THUMPD2: variants seen among roughly 807,000 people sequenced by gnomAD.
The protein encoded by THUMPD2 is U6 snRNA (guanine-N(2))-methyltransferase THUMPD2.
THUMPD2 carries 56 observed loss-of-function variants against 49.4 expected under a neutral mutation model. The ratio of observed to expected loss-of-function variants is 1.13; its 90% CI spans 0.91 to 1.41. The LOEUF is 1.41. Among genes scored for constraint, THUMPD2 ranks in the 40% most tolerant of loss-of-function variants. THUMPD2 has a pLI of 0.00. For synonymous variants in THUMPD2, 237 were observed against 205.2 expected (o/e 1.15, Z -1.32); for missense variants, 709 against 594.5 (o/e 1.19, Z -2.00).
rs565078044 is a variant in THUMPD2 at position 39,757,552 on chromosome 2, G to T, written c.892-1592C>A. Among the ~76,000 whole-genome samples, 3 of 152,276 alleles carry T rather than the reference G, an allele frequency of 2.0e-5. No individual in the cohort carries two copies. The South Asian group carries it at 6.2e-4, about 32-fold the overall frequency. ...ACCCATTTTTATTAGGATCTCAAAT[G>T]TGCCATACGCTGTGCTCCTTCTCTC... On this transcript the variant is annotated intron_variant, in intron 6 of 9. Transcript: ENST00000505747.
chr2:39,773,651 T>C (rs1478479141), intron 1 of THUMPD2, among the ~76,000 whole-genome samples: 1 of 147,326 alleles, frequency 6.8e-6, no homozygotes, highest in Non-Finnish European at 1.5e-5. Flanking sequence ...TATTTCCCCC[T>C]GGGGCAAGTG....
chr2:39,772,938 C>T (rs1265731157), intron 1 of THUMPD2, among the ~76,000 whole-genome samples: 1 of 152,112 alleles, frequency 6.6e-6, no homozygotes, highest in Non-Finnish European at 1.5e-5. Flanking sequence ...GAGAATCTCT[C>T]CTGAGGAAGT....
At chr2:39,749,978 T>C (rs1675174213) in intron 8 of THUMPD2, among the ~76,000 whole-genome samples, 1 of 152,244 alleles carries the variant, frequency 6.6e-6, no homozygotes, top group South Asian at 2.1e-4. Flanking sequence ...ATGTACTATA[T>C]TTTCTTTATC....
intron 8 of THUMPD2, among the ~76,000 whole-genome samples, chr2:39,747,252 G>A (rs1301119865): frequency 6.6e-6 from 1 of 152,072 alleles, no homozygotes; most frequent in Non-Finnish European, 1.5e-5. Flanking sequence ...ACATTTTATT[G>A]TGGCCAAAAT....
intron 9 of THUMPD2, among the ~76,000 whole-genome samples, chr2:39,739,077 A>G (rs1418574489): frequency 3.9e-5 from 6 of 152,200 alleles, no homozygotes; most frequent in African/African-American, 1.4e-4. Context: ...GACCACAGCA[A>G]CAATCTGGTA....
chr2:39,760,947 A>G (rs1283247716), intron 6 of THUMPD2, among the ~76,000 whole-genome samples: 1 of 152,190 alleles, frequency 6.6e-6, no homozygotes, highest in Non-Finnish European at 1.5e-5. Context: ...AATGGAGAAC[A>G]TTTCTTCACT....
intron 8 of THUMPD2, among the ~76,000 whole-genome samples, chr2:39,753,482 A>T (rs1223666369): frequency 6.6e-6 from 1 of 152,128 alleles, no homozygotes; most frequent in African/African-American, 2.4e-5. Flanking sequence ...TCATGAAACT[A>T]AATGTTCTCT....
intron 8 of THUMPD2, among the ~76,000 whole-genome samples, chr2:39,750,142 A>G (rs1675194974): frequency 6.6e-6 from 1 of 152,094 alleles, no homozygotes; most frequent in Admixed American, 6.6e-5. Flanking sequence ...GTCAAATGGT[A>G]TTTCTGCCTC....
rs368420062 is a variant in THUMPD2, at chr2:39,755,260, C to T, written c.1078+35G>A. The T allele has an allele frequency of 2.1e-3, 2,778 of 1,310,958 alleles. 9 individuals are homozygous for T. Among genetic ancestry groups the T allele is most frequent in the Non-Finnish European group, 2.7e-3 (2,527 of 952,274 alleles). The allele number at this position is 1,310,958 out of a possible 1,614,324, so 81.2% of individuals were successfully genotyped here. A position where few individuals can be genotyped will look rare whatever the true frequency, so the allele number is the denominator to read the frequency against. On this transcript the variant is annotated intron_variant, in intron 8 of 9. Coordinates refer to ENST00000505747, the MANE Select transcript of THUMPD2 (RefSeq NM_025264.5). ...GATTCTAAATATATTTACATTGTTC[C>T]TTTTCTCAATTGTTTTGCATTTTTA...
chr2:39,763,465 C>T (rs1186286847), intron 5 of THUMPD2, among the ~76,000 whole-genome samples: 2 of 152,046 alleles, frequency 1.3e-5, no homozygotes, highest in African/African-American at 4.8e-5. Context: ...TCTGTAACTT[C>T]AAATATCTAC....
intron 9 of THUMPD2, among the ~76,000 whole-genome samples, chr2:39,738,999 A>G (rs2148154878): frequency 6.6e-6 from 1 of 152,340 alleles, no homozygotes; most frequent in Admixed American, 6.5e-5. Context: ...CTAATCCATC[A>G]GCAAAGCTAG....
chr2:39,775,418 GTTTGT>G (rs1445765187), intron 1 of THUMPD2, among the ~76,000 whole-genome samples: 3 of 152,124 alleles, frequency 2.0e-5, no homozygotes, highest in Non-Finnish European at 4.4e-5. Context: ...TGTTGTTTGA[GTTTGT>G]TTTGGTTTAT....
intron 6 of THUMPD2, among the ~76,000 whole-genome samples, chr2:39,756,298 A>G (rs1002034793): frequency 1.3e-5 from 2 of 152,018 alleles, no homozygotes; most frequent in East Asian, 3.9e-4. Context: ...AGATTCTGGT[A>G]TGCTGGTAGA....
chr2:39,778,528 C>T (rs1679411791), intron 1 of THUMPD2, among the ~76,000 whole-genome samples: 1 of 152,220 alleles, frequency 6.6e-6, no homozygotes, highest in Non-Finnish European at 1.5e-5. Flanking sequence ...TTCAAGAAAC[C>T]AGTTTTCAAC....
chr2:39,773,019 C>G (rs1678536972), intron 1 of THUMPD2, among the ~76,000 whole-genome samples: 2 of 152,078 alleles, frequency 1.3e-5, no homozygotes, highest in Non-Finnish European at 2.9e-5. Flanking sequence ...GAGGAACAGA[C>G]AATGACATTA....
rs1257386309 is a variant in THUMPD2 at position 39,744,238 on chromosome 2, C to T, written c.1187+132G>A. The T allele has an allele frequency of 4.1e-5, 21 of 513,630 alleles. No homozygotes were observed. The East Asian group carries it at 6.9e-4, about 17-fold the overall frequency. 31.8% of individuals were successfully genotyped at this position (513,630 alleles called of 1,614,324 possible). On this transcript the variant is annotated intron_variant, in intron 9 of 9. Coordinates refer to ENST00000505747, the MANE Select transcript of THUMPD2 (RefSeq NM_025264.5). ...CAATTATAAACTTCTGACTTAAAAC[C>T]TTAGAAAATTAAGCTACAAAAACTC... is the stretch of plus-strand genomic sequence containing the variant.
chr2:39,766,271 T>C (rs1326599947), intron 4 of THUMPD2, 162 bp from the exon 5 acceptor site: 20 of 481,872 alleles, frequency 4.2e-5, no homozygotes, highest in Non-Finnish European at 5.4e-5. Flanking sequence ...ATCTTTTTTT[T>C]TCTTAAGCAG....
chr2:39,750,275 T>G (rs1163959546), intron 8 of THUMPD2, among the ~76,000 whole-genome samples: 1 of 152,230 alleles, frequency 6.6e-6, no homozygotes, highest in African/African-American at 2.4e-5. Flanking sequence ...TTCTGGACTT[T>G]TTAATAATCG....
chr2:39,736,649 G>T lies in THUMPD2; in HGVS notation c.*86C>A. ...GAATTTGGTTACTTGGAGCTCTGTG[G>T]GTGCTATATGAATCCTAGAGACAGC... On this transcript the variant is annotated 3_prime_UTR_variant, in exon 10 of 10. Coordinates refer to ENST00000505747, the MANE Select transcript of THUMPD2 (RefSeq NM_025264.5). 1 of 1,243,148 alleles carries T rather than the reference G, an allele frequency of 8.0e-7. No individual in the cohort carries two copies. Among genetic ancestry groups the T allele is most frequent in the Non-Finnish European group, 1.1e-6 (1 of 909,996 alleles). The allele number at this position is 1,243,148 out of a possible 1,614,324, so 77.0% of individuals were successfully genotyped here.
Sources: allele counts gnomAD v4.1 joint callset (sites outside exome capture counted in the v4.1 genomes callset), GRCh38; gene constraint gnomAD v4.1.1; transcripts MANE v1.5; gene names NCBI Gene and HGNC (gene_info 2026-07-23, HGNC 2026-07-21).